ABAT: variants seen among roughly 807,000 people sequenced by gnomAD.
ABAT encodes 4-aminobutyrate aminotransferase, mitochondrial.
A neutral mutation model predicts 64.6 loss-of-function variants in ABAT; 45 were observed. The ratio of observed to expected loss-of-function variants is 0.70; its 90% CI spans 0.55 to 0.89. ABAT has a LOEUF of 0.89. ABAT is among the 40% of genes least tolerant of loss of function. The probability of loss-of-function intolerance (pLI) is 0.00; values close to 1 mark genes in which losing one functional copy is unlikely to be tolerated. For missense variants in ABAT, 633 were observed against 658.4 expected (o/e 0.96, Z 0.42); for synonymous variants, 297 against 250.5 (o/e 1.19, Z -1.75).
intron 1 of ABAT, among the ~76,000 whole-genome samples, chr16:8,678,669 C>T (rs1038265132): frequency 6.6e-6 from 1 of 152,188 alleles, no homozygotes. Flanking sequence ...CAGAAATGCT[C>T]ACACTTGCAC....
intron 1 of ABAT, among the ~76,000 whole-genome samples, chr16:8,720,290 C>T (rs2058330217): frequency 6.6e-6 from 1 of 152,232 alleles, no homozygotes; most frequent in Non-Finnish European, 1.5e-5. Flanking sequence ...CTGATGAGTT[C>T]AGCAACTTGC....
chr16:8,773,159 T>TA (rs201690433), intron 12 of ABAT, among the ~76,000 whole-genome samples: 14,025 of 100,508 alleles, frequency 0.14, 1,304 homozygotes, highest in African/African-American at 0.28. Flanking sequence ...TATATATATA[T>TA]TTTTTTTTTT....
At chr16:8,773,147 C>CACACACACACACACAT (rs1239743158) in intron 12 of ABAT, among the ~76,000 whole-genome samples, 49 of 98,464 alleles carry the variant, frequency 5.0e-4, no homozygotes, top group African/African-American at 2.0e-3. Context: ...CACACACACA[C>CACACACACACACACAT]ATATATATAT....
chr16:8,771,905 C>T (rs1172753436), intron 11 of ABAT, among the ~76,000 whole-genome samples: 2 of 151,764 alleles, frequency 1.3e-5, no homozygotes, highest in African/African-American at 4.8e-5. Flanking sequence ...GCTGAGACTA[C>T]AGGCACGCAG....
chr16:8,769,557 CAAAAAAAAAAA>C (rs35002036), intron 11 of ABAT, among the ~76,000 whole-genome samples: 11 of 86,766 alleles, frequency 1.3e-4, no homozygotes, highest in African/African-American at 1.8e-4. Context: ...AGACTCTGTC[CAAAAAAAAAAA>C]AAAAAAAAAA....
At chr16:8,687,031 T>C (rs1046583393) in intron 1 of ABAT, among the ~76,000 whole-genome samples, 2 of 152,182 alleles carry the variant, frequency 1.3e-5, no homozygotes, top group African/African-American at 2.4e-5. Flanking sequence ...TGAAGCTTGC[T>C]GAACCACTCC....
intron 1 of ABAT, among the ~76,000 whole-genome samples, chr16:8,705,273 A>C (rs2057914057): frequency 6.6e-6 from 1 of 152,150 alleles, no homozygotes; most frequent in Non-Finnish European, 1.5e-5. Flanking sequence ...AGAGAGAGAG[A>C]GAGCACACAG....
rs561636571 is a variant in ABAT at position 8,728,864 on chromosome 16, C to T, written c.-41-6835C>T. 1.0e-3 allele frequency among the ~76,000 whole-genome samples: 155 copies of T among 152,246 alleles called. 1 individual carries two copies. In the South Asian group the frequency reaches 0.015, roughly 15 times the overall value. On this transcript the variant is annotated intron_variant, in intron 1 of 15. Transcript: ENST00000268251. The stretch of plus-strand genomic sequence containing the variant: ...ACTCCAGCCTGGCAACAGAACAAGA[C>T]TCCATCTCAAAAACAAAGAGTTTGG...
At chr16:8,706,299 G>A (rs2057940965) in intron 1 of ABAT, among the ~76,000 whole-genome samples, 1 of 150,578 alleles carries the variant, frequency 6.6e-6, no homozygotes, top group Admixed American at 6.6e-5. Context: ...AGTCCCAGCC[G>A]AGAGGCTGAG....
chr16:8,685,737 T>C (rs1334499808), intron 1 of ABAT, among the ~76,000 whole-genome samples: 1 of 151,630 alleles, frequency 6.6e-6, no homozygotes, highest in African/African-American at 2.4e-5. Context: ...AAAAAACCAA[T>C]GTTCAAGTGA....
Position 8,781,523 on chromosome 16 carries a change from A to G in ABAT, c.*93A>G. On this transcript the variant is annotated 3_prime_UTR_variant, in exon 16 of 16. Transcript: ENST00000268251. The surrounding 1 kb of genome is among the most constrained non-coding windows in gnomAD (Gnocchi z 4.5). ...ATTCATGTTTTCACTTAAAAGTATC[A>G]GAGGTGAATGCACAGTGAAGGGTGA... is the stretch of plus-strand genomic sequence containing the variant. 6.9e-7 allele frequency: 1 copy of G among 1,444,048 alleles called. No individual in the cohort carries two copies. The highest frequency in any genetic ancestry group is 9.4e-7 in the Non-Finnish European group (1 of 1,065,914). The allele number at this position is 1,444,048 out of a possible 1,614,324, so 89.5% of individuals were successfully genotyped here.
chr16:8,757,614 T>C (rs2059684887), intron 5 of ABAT, 143 bp from the exon 6 acceptor site: 7 of 942,872 alleles, frequency 7.4e-6, no homozygotes, highest in South Asian at 1.4e-5. Flanking sequence ...GGAATCTCTT[T>C]TTGTCAACAA....
At chr16:8,738,539 G>T (rs79514757) in intron 2 of ABAT, 30 of 430,132 alleles carry the variant, frequency 7.0e-5, no homozygotes, top group African/African-American at 5.8e-4. Flanking sequence ...TATTCTTCTC[G>T]ACCTGGGTGG....
chr16:8,728,208 A>C (rs1596428043), intron 1 of ABAT, among the ~76,000 whole-genome samples: 1 of 152,226 alleles, frequency 6.6e-6, no homozygotes, highest in Non-Finnish European at 1.5e-5. Flanking sequence ...CAATTGTTTG[A>C]AATATATTGT....
intron 14 of ABAT, among the ~76,000 whole-genome samples, chr16:8,777,621 A>C (rs546757590): frequency 6.6e-6 from 1 of 152,176 alleles, no homozygotes; most frequent in African/African-American, 2.4e-5. Flanking sequence ...AGGGGTGTCT[A>C]AATGGAAGAG....
intron 1 of ABAT, among the ~76,000 whole-genome samples, chr16:8,685,718 C>A (rs942901000): frequency 6.6e-6 from 1 of 151,654 alleles, no homozygotes; most frequent in Non-Finnish European, 1.5e-5. Flanking sequence ...ATCGAAAAAA[C>A]AAAAAAACAA....
chr16:8,750,685 T>C, intron 5 of ABAT, 146 bp downstream of exon 5: 1 of 783,244 alleles, frequency 1.3e-6, no homozygotes, highest in South Asian at 1.4e-5. Flanking sequence ...AAAAAATAAA[T>C]AATGTGTAAA....
At chr16:8,737,991 G>GGAAGGAAGGAAGAAA (rs1567295685) in intron 2 of ABAT, among the ~76,000 whole-genome samples, 445 of 14,952 alleles carry the variant, frequency 0.03, 127 homozygotes, top group East Asian at 0.044. Context: ...GAAGGAAGGA[G>GGAAGGAAGGAAGAAA]GAAAGAAAGA....
At chr16:8,769,106 G>C in intron 11 of ABAT, 133 bp downstream of exon 11, 4 of 1,233,424 alleles carry the variant, frequency 3.2e-6, no homozygotes, top group Non-Finnish European at 4.7e-6. Context: ...GAGGGAAGCA[G>C]GGACACAGAG....
Sources: allele counts gnomAD v4.1 joint callset (sites outside exome capture counted in the v4.1 genomes callset), GRCh38; gene constraint gnomAD v4.1.1; non-coding constraint Gnocchi (gnomAD v3.1); transcripts MANE v1.5; gene names NCBI Gene and HGNC (gene_info 2026-07-23, HGNC 2026-07-21).